The following IFRD1 variants were observed in gnomAD, a reference collection of about 807,000 sequenced individuals.
IFRD1 encodes the protein interferon-related developmental regulator 1.
A neutral mutation model predicts 52.9 loss-of-function variants in IFRD1; 35 were observed. The observed-to-expected ratio is 0.66, with a 90% CI of 0.51 to 0.88. The LOEUF is 0.88. IFRD1 is among the 40% of genes least tolerant of loss of function. IFRD1 has a pLI of 0.00. For missense variants in IFRD1, 517 were observed against 550.8 expected, an observed-to-expected ratio of 0.94 and a Z score of 0.61; for synonymous variants, 184 against 188.4, an observed-to-expected ratio of 0.98 and a Z score of 0.19.
At chr7:112,465,470 A>G (rs919885489) in intron 8 of IFRD1, among the ~76,000 whole-genome samples, 4 of 152,210 alleles carry the variant, frequency 2.6e-5, no homozygotes, top group Admixed American at 1.3e-4. Flanking sequence ...TGAAATAATT[A>G]TCTTCAGCTG....
intron 1 of IFRD1, among the ~76,000 whole-genome samples, chr7:112,433,591 AGG>A (rs1794594689): frequency 6.6e-6 from 1 of 152,208 alleles, no homozygotes; most frequent in Non-Finnish European, 1.5e-5. Context: ...TAATCCTGCA[AGG>A]GCAATCTAGT....
chr7:112,459,081 TATA>T (rs34627083), intron 5 of IFRD1, 63 bp downstream of exon 5: 556,828 of 1,369,446 alleles, frequency 0.41, 120,873 homozygotes, highest in Non-Finnish European at 0.46. Flanking sequence ...GTGGTGCGCC[TATA>T]GTACTGTACC....
At chr7:112,448,028 T>C (rs912146282), upstream of IFRD1, among the ~76,000 whole-genome samples, 2 of 151,360 alleles carry the variant, frequency 1.3e-5, no homozygotes, top group African/African-American at 4.9e-5. Flanking sequence ...CATTTAACTA[T>C]ATATATACTG....
chr7:112,449,051 G>T (rs1053665783), upstream of IFRD1, among the ~76,000 whole-genome samples: 10 of 152,202 alleles, frequency 6.6e-5, no homozygotes, highest in South Asian at 4.1e-4. Flanking sequence ...TTAGTCATGG[G>T]AGCCATGGAA....
rs28451586 is a variant in IFRD1 at position 112,426,754 on chromosome 7, C to A, written c.-182+3322C>A. On this transcript the variant is annotated intron_variant, in intron 1 of 12. Transcript: ENST00000005558. ...CTGATAAGAATTTACAATCTATTCTCCCTGAAGCCTGCTACCTGGAGGCAT... is the reference window on the plus strand; with the variant it reads ...CTGATAAGAATTTACAATCTATTCTACCTGAAGCCTGCTACCTGGAGGCAT... 6.7e-3 allele frequency among the ~76,000 whole-genome samples: 1,025 copies of A among 152,296 alleles called. 9 individuals are homozygous for A. Among genetic ancestry groups the A allele is most frequent in the African/African-American group, 0.024 (980 of 41,550 alleles).
chr7:112,426,321 TG>T (rs1794427592), intron 1 of IFRD1, among the ~76,000 whole-genome samples: 1 of 152,164 alleles, frequency 6.6e-6, no homozygotes, highest in African/African-American at 2.4e-5. Flanking sequence ...TGGCCAAGAG[TG>T]GGGGCAAATT....
chr7:112,476,692 G>A lies in IFRD1; in HGVS notation c.*1173G>A, dbSNP rs11763010. 46,300 of 152,048 alleles carry A rather than the reference G, an allele frequency of 0.3. 7,692 individuals carry two copies. Among genetic ancestry groups the A allele is most frequent in the Non-Finnish European group, 0.38 (25,823 of 67,994 alleles). 9.4% of individuals were successfully genotyped at this position (152,048 alleles called of 1,614,324 possible). ...ATATTGCTGCTTGTTTGCCCATGAGGTATATTTCTTTCATTTTATGAAAAG... is the reference window on the plus strand; with the variant it reads ...ATATTGCTGCTTGTTTGCCCATGAGATATATTTCTTTCATTTTATGAAAAG... On this transcript the variant is annotated 3_prime_UTR_variant, in exon 12 of 12. Coordinates refer to ENST00000403825, the MANE Select transcript of IFRD1 (RefSeq NM_001550.4).
chr7:112,469,107 G>C (rs1004003114), intron 9 of IFRD1, among the ~76,000 whole-genome samples: 1 of 152,050 alleles, frequency 6.6e-6, no homozygotes, highest in African/African-American at 2.4e-5. Context: ...GGATTTGAAG[G>C]GTGTGTTTCT....
In IFRD1 at chr7:112,475,556, T is replaced by A; in HGVS notation, c.*37T>A. The A allele has an allele frequency of 1.5e-6, 2 of 1,291,034 alleles. No homozygotes were observed. Among genetic ancestry groups the A allele is most frequent in the Non-Finnish European group, 2.2e-6 (2 of 897,220 alleles). 80.0% of individuals were successfully genotyped at this position (1,291,034 alleles called of 1,614,324 possible). ...TTGAAGACTATTTTCTAATTTCTAT[T>A]TTTTTTTCTATTTCAATGTATTTAA... On this transcript the variant is annotated 3_prime_UTR_variant, in exon 12 of 12. Coordinates refer to ENST00000403825, the MANE Select transcript of IFRD1 (RefSeq NM_001550.4).
At chr7:112,466,094 G>A (rs983720110) in intron 8 of IFRD1, among the ~76,000 whole-genome samples, 1 of 151,798 alleles carries the variant, frequency 6.6e-6, no homozygotes, top group Non-Finnish European at 1.5e-5. Flanking sequence ...TATTATAAGA[G>A]TATATTAAGA....
intron 1 of IFRD1, among the ~76,000 whole-genome samples, chr7:112,440,497 A>C (rs1026224765): frequency 2.2e-4 from 34 of 152,240 alleles, no homozygotes; most frequent in African/African-American, 8.2e-4. Context: ...AGTTTGGCAT[A>C]GGTTTTTAAA....
chr7:112,434,053 C>T (rs1018760131), intron 1 of IFRD1, among the ~76,000 whole-genome samples: 4 of 152,090 alleles, frequency 2.6e-5, no homozygotes, highest in African/African-American at 9.7e-5. Context: ...AACTCCTGAG[C>T]TCAAAGTGAT....
chr7:112,438,367 T>C (rs1016919055), intron 1 of IFRD1, among the ~76,000 whole-genome samples: 8 of 152,084 alleles, frequency 5.3e-5, no homozygotes, highest in Admixed American at 3.3e-4. Flanking sequence ...GCTATGAAAA[T>C]GGCACTGAAG....
intron 1 of IFRD1, among the ~76,000 whole-genome samples, chr7:112,431,904 T>A (rs561792154): frequency 5.7e-4 from 87 of 152,378 alleles, no homozygotes; most frequent in African/African-American, 2.0e-3. Flanking sequence ...TACTTGTTCA[T>A]AAATATTTTG....
chr7:112,443,778 C>T (rs1396633613), intron 1 of IFRD1, among the ~76,000 whole-genome samples: 19 of 150,856 alleles, frequency 1.3e-4, no homozygotes, highest in Admixed American at 1.2e-3. Context: ...AGGAGAATTG[C>T]TTGAACCCGG....
At chr7:112,435,665 T>C (rs13308427) in intron 1 of IFRD1, 1 of 142,760 alleles carries the variant, frequency 7.0e-6, no homozygotes, top group Non-Finnish European at 1.5e-5. Flanking sequence ...TGCGTGCTTG[T>C]AAAAAATGCC....
At chr7:112,433,605 C>T (rs963181003) in intron 1 of IFRD1, among the ~76,000 whole-genome samples, 2 of 152,156 alleles carry the variant, frequency 1.3e-5, no homozygotes, top group Non-Finnish European at 2.9e-5. Context: ...CAATCTAGTC[C>T]CCAGGCAGAA....
chr7:112,441,797 C>CT (rs890727168), intron 1 of IFRD1, among the ~76,000 whole-genome samples: 4 of 152,276 alleles, frequency 2.6e-5, no homozygotes, highest in African/African-American at 7.2e-5. Flanking sequence ...GCCAAATACT[C>CT]TATTTTCAGG....
exon 1 of IFRD1, chr7:112,423,194 A>G (rs908309843): frequency 1.3e-5 from 2 of 152,320 alleles, no homozygotes; most frequent in East Asian, 3.9e-4. Context: ...CAAGGTCTAC[A>G]TAGTTAAAGG....
Sources: allele counts gnomAD v4.1 joint callset (sites outside exome capture counted in the v4.1 genomes callset), GRCh38; gene constraint gnomAD v4.1.1; transcripts MANE v1.5; gene names NCBI Gene and HGNC (gene_info 2026-07-23, HGNC 2026-07-21).